Variants in NTM observed in about 807,000 individuals in gnomAD.
NTM encodes the protein neurotrimin, also known as IgLON family member 2.
Under a neutral mutation model 42.1 loss-of-function variants are expected in NTM, and 13 were observed. The ratio of observed to expected loss-of-function variants is 0.31; its 90% CI spans 0.20 to 0.49. The LOEUF (loss-of-function observed/expected upper bound fraction) is 0.49, where lower values mean the gene tolerates loss of function less well. NTM is among the 20% of genes least tolerant of loss of function. The probability of loss-of-function intolerance (pLI) is 0.99; values close to 1 mark genes in which losing one functional copy is unlikely to be tolerated. For synonymous variants in NTM, 187 were observed against 179.2 expected, an observed-to-expected ratio of 1.04 and a Z score of -0.35; for missense variants, 373 against 452.8, an observed-to-expected ratio of 0.82 and a Z score of 1.60.
intron 7 of NTM, among the ~76,000 whole-genome samples, chr11:132,317,076 G>T (rs755652513): frequency 4.9e-4 from 75 of 152,250 alleles, no homozygotes; most frequent in Admixed American, 2.1e-3. Flanking sequence ...TGGTGCAAGA[G>T]ACCATAGTCG....
intron 1 of NTM, among the ~76,000 whole-genome samples, chr11:131,488,707 T>TC (rs1954458087): frequency 6.6e-6 from 1 of 152,088 alleles, no homozygotes; most frequent in Non-Finnish European, 1.5e-5. Context: ...GAAAATATAT[T>TC]CCCCCTCACA....
intron 1 of NTM, among the ~76,000 whole-genome samples, chr11:131,502,582 T>A (rs543571952): frequency 6.6e-6 from 1 of 152,204 alleles, no homozygotes; most frequent in East Asian, 1.9e-4. Context: ...TCGGGGCCCA[T>A]GCTGCTGCAT....
chr11:131,593,343 A>G (rs541421513), intron 1 of NTM, among the ~76,000 whole-genome samples: 9 of 152,212 alleles, frequency 5.9e-5, no homozygotes, highest in African/African-American at 2.2e-4. Context: ...TGAGGGAGCA[A>G]TTGCCTGGCT....
chr11:131,566,437 G>A (rs1051201918), intron 1 of NTM, among the ~76,000 whole-genome samples: 32 of 151,708 alleles, frequency 2.1e-4, no homozygotes, highest in South Asian at 6.3e-4. Context: ...ATGTGCGTGT[G>A]TGTGTGTGTG....
intron 1 of NTM, among the ~76,000 whole-genome samples, chr11:131,629,064 G>T (rs1565349317): frequency 6.6e-6 from 1 of 152,352 alleles, no homozygotes; most frequent in South Asian, 2.1e-4. Context: ...TCTGCTCTAT[G>T]TTAGTGCATG....
intron 2 of NTM, among the ~76,000 whole-genome samples, chr11:132,093,166 A>G (rs1015594308): frequency 6.6e-6 from 1 of 152,024 alleles, no homozygotes; most frequent in Admixed American, 6.6e-5. Flanking sequence ...TTTCATTTCT[A>G]CCCTCGAATC....
chr11:131,799,079 C>A (rs751036914), intron 1 of NTM, among the ~76,000 whole-genome samples: 4 of 152,196 alleles, frequency 2.6e-5, no homozygotes, highest in Non-Finnish European at 4.4e-5. Flanking sequence ...AAAGCACTTT[C>A]TTGTTTAATT....
At chr11:132,057,002 C>T (rs150488022) in intron 2 of NTM, among the ~76,000 whole-genome samples, 2 of 152,338 alleles carry the variant, frequency 1.3e-5, no homozygotes, top group East Asian at 3.9e-4. Context: ...TGTTTGAATA[C>T]TTCACTGCAT....
At chr11:131,924,772 G>A (rs1412281814) in intron 2 of NTM, among the ~76,000 whole-genome samples, 1 of 152,170 alleles carries the variant, frequency 6.6e-6, no homozygotes, top group Non-Finnish European at 1.5e-5. Context: ...AAACAAACTT[G>A]TATTCAGGCT....
At chr11:132,322,887 A>G (rs11223009) in intron 7 of NTM, among the ~76,000 whole-genome samples, 31,201 of 121,258 alleles carry the variant, frequency 0.26, 4,394 homozygotes, top group Non-Finnish European at 0.33. Flanking sequence ...ACTCAAAACC[A>G]CTCAACTACA....
intron 4 of NTM, among the ~76,000 whole-genome samples, chr11:132,295,609 C>T (rs1413025528): frequency 1.3e-5 from 2 of 152,192 alleles, no homozygotes; most frequent in Non-Finnish European, 2.9e-5. Context: ...GCTGCATAGA[C>T]ATTTGAAGGT....
intron 2 of NTM, among the ~76,000 whole-genome samples, chr11:132,083,811 A>G (rs1333392993): frequency 6.6e-6 from 1 of 152,242 alleles, no homozygotes; most frequent in Non-Finnish European, 1.5e-5. Context: ...ATATTGCCAT[A>G]AGATAAGAAT....
chr11:132,317,202 C>G (rs1268524926), intron 7 of NTM, among the ~76,000 whole-genome samples: 1 of 152,188 alleles, frequency 6.6e-6, no homozygotes, highest in African/African-American at 2.4e-5. Flanking sequence ...TCCCGCACTC[C>G]TGAATCACAG....
intron 1 of NTM, among the ~76,000 whole-genome samples, chr11:131,723,032 A>G (rs2078554194): frequency 6.6e-6 from 1 of 152,216 alleles, no homozygotes; most frequent in African/African-American, 2.4e-5. Context: ...CAGACGGGTT[A>G]AATGGTGTGC....
At chr11:131,622,687 C>T (rs573039747) in intron 1 of NTM, among the ~76,000 whole-genome samples, 2 of 152,192 alleles carry the variant, frequency 1.3e-5, no homozygotes, top group South Asian at 2.1e-4. Context: ...TCAGTTCTGC[C>T]CCTAGGCCAC....
chr11:131,729,909 A>C (rs774635442), intron 1 of NTM, among the ~76,000 whole-genome samples: 5 of 144,892 alleles, frequency 3.5e-5, no homozygotes, highest in Non-Finnish European at 6.0e-5. Context: ...GAACATTTAC[A>C]TACAGAGTTT....
At position 132,175,491 on chromosome 11, in the gene NTM, G is replaced by A. The variant is rs1396538174; in HGVS notation, c.400+28977G>A. On this transcript the variant is annotated intron_variant, in intron 3 of 8. Transcript: ENST00000683400. ...ATAACTCCTCTAGGTTTCCAGAAAT[G>A]GAGATTCAGAGTTGTTGGGGAGGCT... Among the ~76,000 whole-genome samples, 5 of 152,294 alleles carry A rather than the reference G, an allele frequency of 3.3e-5. No individual in the cohort carries two copies. The South Asian group carries it at 1.0e-3, about 32-fold the overall frequency.
At chr11:131,931,652 T>C (rs2058640170) in intron 2 of NTM, among the ~76,000 whole-genome samples, 1 of 152,048 alleles carries the variant, frequency 6.6e-6, no homozygotes, top group African/African-American at 2.4e-5. Flanking sequence ...CACATGCCCA[T>C]GACCTGGCTA....
At chr11:131,795,850 A>G in intron 1 of NTM, 2 of 985,236 alleles carry the variant, frequency 2.0e-6, no homozygotes, top group Non-Finnish European at 1.2e-6. Context: ...GCAAGAATGC[A>G]CAGGGTGCTC....
Sources: gnomAD v4.1 joint callset for allele counts (sites outside exome capture counted in the v4.1 genomes callset) on GRCh38, gnomAD v4.1.1 for gene constraint, MANE v1.5 for transcripts, NCBI Gene and HGNC (gene_info 2026-07-23, HGNC 2026-07-21) for gene names.